EVL: variants seen among roughly 807,000 people sequenced by gnomAD.
The protein encoded by EVL is Enah/Vasp-like.
Under a neutral mutation model 59.6 loss-of-function variants are expected in EVL, and 21 were observed. That is an observed-to-expected ratio of 0.35 (90% CI 0.25 to 0.51). The LOEUF (loss-of-function observed/expected upper bound fraction) is 0.51. Among genes scored for constraint, EVL ranks in the 20% least tolerant of loss-of-function variants. The probability of loss-of-function intolerance (pLI) is 0.97; values close to 1 mark genes in which losing one functional copy is unlikely to be tolerated. For synonymous variants in EVL, 198 were observed against 203.5 expected, an observed-to-expected ratio of 0.97 and a Z score of 0.23; for missense variants, 462 against 546.6, an observed-to-expected ratio of 0.85 and a Z score of 1.54.
rs535033485 is a variant in EVL, at chr14:99,972,849, A to T, written c.5+792A>T. Among the ~76,000 whole-genome samples, 25 of 152,170 alleles carry T rather than the reference A, an allele frequency of 1.6e-4. No homozygotes were observed. The highest frequency in any genetic ancestry group is 5.8e-4 in the African/African-American group (24 of 41,494). ...TTTGCTTTCTGAACACGTATCTCGT[A>T]AAAACTGTAGTTTGTAACTATAGTT... On this transcript the variant is annotated intron_variant, in intron 1 of 13. Coordinates refer to the EVL transcript ENST00000402714. This position sits in a 1 kb window ranked among gnomAD's most constrained non-coding sequence, Gnocchi z 4.4.
At chr14:100,137,499 G>C (rs541655726) in intron 9 of EVL, 79 bp from the exon 10 acceptor site, 5 of 1,477,346 alleles carry the variant, frequency 3.4e-6, no homozygotes, top group South Asian at 1.1e-5. Flanking sequence ...AGGGCTTCCT[G>C]TTGGGGTGTT....
upstream of EVL, among the ~76,000 whole-genome samples, chr14:100,063,369 A>T (rs2061870207): frequency 6.6e-6 from 1 of 152,170 alleles, no homozygotes; most frequent in Non-Finnish European, 1.5e-5. Flanking sequence ...AAGCTGAGAG[A>T]GGTGAGCAAG....
intron 6 of EVL, 149 bp downstream of exon 6, chr14:100,128,897 C>T (rs1888257614): frequency 2.0e-5 from 13 of 658,582 alleles, no homozygotes; most frequent in Non-Finnish European, 2.9e-5. Flanking sequence ...TGTTCTCAAA[C>T]GAGAAATCAC....
At chr14:100,112,264 C>A (rs1288963820) in intron 3 of EVL, among the ~76,000 whole-genome samples, 1 of 152,144 alleles carries the variant, frequency 6.6e-6, no homozygotes, top group Middle Eastern at 3.2e-3. Flanking sequence ...GTGTTTGAGG[C>A]CCTGCCCCCT....
In EVL at chr14:99,982,908, T is replaced by C. The variant is rs532095332; in HGVS notation, c.5+10851T>C. Among the ~76,000 whole-genome samples, 5 of 152,360 alleles carry C rather than the reference T, an allele frequency of 3.3e-5. No homozygotes were observed. The South Asian group carries it at 1.0e-3, about 32-fold the overall frequency. ...GACTTTTAGCAATTTACGTAACCTTTATGAGCCTCCGTTTTTCTCAAGTAT... is the reference window on the plus strand; with the variant it reads ...GACTTTTAGCAATTTACGTAACCTTCATGAGCCTCCGTTTTTCTCAAGTAT... On this transcript the variant is annotated intron_variant, in intron 1 of 13. Transcript: ENST00000402714.
intron 1 of EVL, among the ~76,000 whole-genome samples, chr14:99,986,354 A>C (rs995534071): frequency 4.6e-5 from 7 of 151,710 alleles, no homozygotes; most frequent in Non-Finnish European, 1.0e-4. Flanking sequence ...ACCAGCTGAG[A>C]TTTCTAAGAG....
At chr14:100,067,083 A>G (rs2061945420) in intron 1 of EVL, among the ~76,000 whole-genome samples, 1 of 152,110 alleles carries the variant, frequency 6.6e-6, no homozygotes, top group South Asian at 2.1e-4. Context: ...GGCTGAACCA[A>G]AGCAAAAGCC....
At chr14:100,104,056 T>A (rs111496007) in intron 3 of EVL, among the ~76,000 whole-genome samples, 1 of 152,334 alleles carries the variant, frequency 6.6e-6, no homozygotes, top group African/African-American at 2.4e-5. Flanking sequence ...CGTTGGTTGT[T>A]CTGAGGACTA....
chr14:100,125,042 G>C (rs1411066962), intron 4 of EVL, among the ~76,000 whole-genome samples: 2 of 130,592 alleles, frequency 1.5e-5, no homozygotes, highest in Non-Finnish European at 3.1e-5. Flanking sequence ...GACCACATGT[G>C]GATAGACACA....
chr14:100,028,565 C>T (rs2140213838), intron 1 of EVL, among the ~76,000 whole-genome samples: 1 of 152,244 alleles, frequency 6.6e-6, no homozygotes, highest in Middle Eastern at 3.4e-3. Context: ...GTAATCCCAG[C>T]ACTTTGGGAG....
At position 100,103,619 on chromosome 14, in the gene EVL, G is replaced by A. The variant is rs146589282; in HGVS notation, c.358+5961G>A. On this transcript the variant is annotated intron_variant, in intron 3 of 13. Transcript: ENST00000392920. ...TGGGAAGACTTCTGTGGCCCCCCAT[G>A]CCCACCCCAGGTGAGGATGAGGCGC... Among the ~76,000 whole-genome samples, 675 of 152,088 alleles carry A rather than the reference G, an allele frequency of 4.4e-3. 5 individuals are homozygous for A. Among genetic ancestry groups the A allele is most frequent in the Middle Eastern group, 0.017 (5 of 294 alleles).
chr14:100,136,395 G>A (rs554173216), intron 9 of EVL, among the ~76,000 whole-genome samples: 2 of 152,234 alleles, frequency 1.3e-5, no homozygotes, highest in South Asian at 2.1e-4. Context: ...GATGGCAGTA[G>A]ATCTCGCTCC....
chr14:99,979,231 T>TAA (rs796797003), intron 1 of EVL, among the ~76,000 whole-genome samples: 3 of 147,102 alleles, frequency 2.0e-5, no homozygotes, highest in African/African-American at 7.5e-5. Context: ...CTGCAGTTGC[T>TAA]AAAAAAAAAA....
intron 1 of EVL, among the ~76,000 whole-genome samples, chr14:99,980,837 A>G (rs914933398): frequency 6.6e-6 from 1 of 152,064 alleles, no homozygotes; most frequent in Non-Finnish European, 1.5e-5. Context: ...GATTAATGTT[A>G]TTTTGAATTT....
chr14:100,092,007 G>A (rs117064959), intron 2 of EVL, among the ~76,000 whole-genome samples: 4,394 of 152,248 alleles, frequency 0.029, 89 homozygotes, highest in Non-Finnish European at 0.042. Flanking sequence ...GGGAGGCCGA[G>A]GCAGGAGGAT....
intron 1 of EVL, among the ~76,000 whole-genome samples, chr14:100,049,692 T>C (rs768990975): frequency 6.6e-6 from 1 of 152,206 alleles, no homozygotes; most frequent in African/African-American, 2.4e-5. Context: ...TACAACTCAG[T>C]TGTTTTTAGT....
At chr14:100,126,894 A>C in intron 5 of EVL, 123 bp downstream of exon 5, 3 of 832,516 alleles carry the variant, frequency 3.6e-6, no homozygotes, top group Non-Finnish European at 3.8e-6. Flanking sequence ...CCTAGGTCTC[A>C]AAGTGCAACC....
At chr14:100,077,939 AT>A (rs58939163) in intron 1 of EVL, among the ~76,000 whole-genome samples, 2 of 150,944 alleles carry the variant, frequency 1.3e-5, no homozygotes, top group African/African-American at 2.4e-5. Context: ...TGCCCGGCTA[AT>A]TTTTTTTTGT....
chr14:99,975,558 A>AG (rs912345009), intron 1 of EVL, among the ~76,000 whole-genome samples: 2 of 152,134 alleles, frequency 1.3e-5, no homozygotes, highest in Non-Finnish European at 2.9e-5. Context: ...TTGGGGGGTT[A>AG]GGGGGGTAGT....
Sources: allele counts gnomAD v4.1 joint callset (sites outside exome capture counted in the v4.1 genomes callset), GRCh38; gene constraint gnomAD v4.1.1; non-coding constraint Gnocchi (gnomAD v3.1); transcripts MANE v1.5; gene names NCBI Gene and HGNC (gene_info 2026-07-23, HGNC 2026-07-21).